PITRM1: variants seen among roughly 807,000 people sequenced by gnomAD.
PITRM1 encodes pitrilysin metallopeptidase 1.
PITRM1 carries 100 observed loss-of-function variants against 129.9 expected under a neutral mutation model. The observed-to-expected ratio is 0.77, with a 90% CI of 0.65 to 0.91. The LOEUF is 0.91. Among genes scored for constraint, PITRM1 ranks in the 40% least tolerant of loss-of-function variants. The pLI, the probability that PITRM1 is intolerant of heterozygous loss-of-function variation, is 0.00. For synonymous variants in PITRM1, 591 were observed against 508.8 expected, an observed-to-expected ratio of 1.16 and a Z score of -2.17; for missense variants, 1,471 against 1,318.3, an observed-to-expected ratio of 1.12 and a Z score of -1.79.
intron 7 of PITRM1, 184 bp downstream of exon 7, chr10:3,163,541 T>C (rs1842621072): frequency 1.9e-6 from 1 of 514,756 alleles, no homozygotes; most frequent in East Asian, 3.6e-5. Context: ...CTGAGGGCTA[T>C]CATTGTAAAT....
intron 14 of PITRM1, among the ~76,000 whole-genome samples, chr10:3,155,120 C>T (rs543790266): frequency 5.3e-5 from 8 of 152,296 alleles, no homozygotes; most frequent in Non-Finnish European, 1.0e-4. Flanking sequence ...CCCCCACACA[C>T]GCTGTCCTCC....
In PITRM1 at chr10:3,147,615, G is replaced by A. The variant is rs79257157; in HGVS notation, c.2192C>T (p.Thr731Met). ...YASIRAGRTL[T>M]PAGDLQETFS... ...GGTCTCCTGCAGGTCCCCTGCGGGC[G>A]TGAGGGTCCGGCCTGCCCTGATGGA... is the stretch of plus-strand genomic sequence containing the variant. Residue 731 changes from threonine (T) to methionine (M), a missense_variant, in exon 19 of 27, where the codon ACG becomes ATG. Transcript: ENST00000224949. 6.3e-4 allele frequency: 1,015 copies of A among 1,614,040 alleles called. 9 individuals are homozygous for A. In the African/African-American group the frequency reaches 0.011, roughly 18 times the overall value.
chr10:3,158,708 C>T (rs1842177025), intron 10 of PITRM1, among the ~76,000 whole-genome samples: 1 of 152,224 alleles, frequency 6.6e-6, no homozygotes, highest in African/African-American at 2.4e-5. Flanking sequence ...GGATCTCATC[C>T]AGAGTTCCCT....
intron 7 of PITRM1, chr10:3,163,032 T>A (rs541631679): frequency 6.6e-6 from 1 of 152,244 alleles, no homozygotes; most frequent in African/African-American, 2.4e-5. Flanking sequence ...TACGGGCAAA[T>A]GATCATGACG....
At chr10:3,139,634 C>T (rs1021968959) in intron 24 of PITRM1, among the ~76,000 whole-genome samples, 5 of 152,316 alleles carry the variant, frequency 3.3e-5, no homozygotes, top group Middle Eastern at 3.4e-3. Context: ...TGGCTACCTA[C>T]GTATCTACCT....
At chr10:3,162,700 A>C (rs1301328769) in intron 7 of PITRM1, among the ~76,000 whole-genome samples, 1 of 152,236 alleles carries the variant, frequency 6.6e-6, no homozygotes, top group Non-Finnish European at 1.5e-5. Flanking sequence ...TCTAAGTTCC[A>C]GTGCTCAGGA....
intron 14 of PITRM1, among the ~76,000 whole-genome samples, chr10:3,152,611 G>T (rs1482019300): frequency 6.6e-6 from 1 of 152,224 alleles, no homozygotes; most frequent in East Asian, 1.9e-4. Flanking sequence ...AGCATGTGGA[G>T]CCCAGGCTCC....
rs1035513636 is a variant in PITRM1, at chr10:3,145,433, A to T, written c.2457+163T>A. 1.1e-5 allele frequency: 7 copies of T among 642,846 alleles called. No homozygotes were observed. The African/African-American group carries it at 1.3e-4, about 12-fold the overall frequency. 39.8% of individuals were successfully genotyped at this position (642,846 alleles called of 1,614,324 possible). On this transcript the variant is annotated intron_variant, in intron 21 of 26. Transcript: ENST00000224949. ...CACTTAACTGGCCCAACACTGCACA[A>T]GATACTTAATCCTCCTGAACCTCAG... is the stretch of plus-strand genomic sequence containing the variant.
At chr10:3,171,146 T>TAAAAAAAA (rs1588736135) in intron 1 of PITRM1, among the ~76,000 whole-genome samples, 574 of 36,258 alleles carry the variant, frequency 0.016, 216 homozygotes, top group Middle Eastern at 0.034. Flanking sequence ...AATCGTTCAA[T>TAAAAAAAA]TAAAAAAAAA....
intron 7 of PITRM1, among the ~76,000 whole-genome samples, chr10:3,161,386 A>G (rs1172015792): frequency 6.6e-6 from 1 of 152,238 alleles, no homozygotes; most frequent in African/African-American, 2.4e-5. Flanking sequence ...CCAGAGGAAA[A>G]AGGTTACAAT....
At chr10:3,138,757 A>G (rs1366221061) in intron 25 of PITRM1, 147 bp downstream of exon 25, 3 of 832,530 alleles carry the variant, frequency 3.6e-6, no homozygotes, top group Non-Finnish European at 4.3e-6. Flanking sequence ...AAGCGTGTTT[A>G]GGGTGTCAGA....
At chr10:3,153,818 TCA>T (rs951869305) in intron 14 of PITRM1, among the ~76,000 whole-genome samples, 26 of 152,350 alleles carry the variant, frequency 1.7e-4, no homozygotes, top group Middle Eastern at 3.4e-3. Context: ...TGACAATTTC[TCA>T]CAGAATCCCA....
At position 3,138,954 on chromosome 10, in the gene PITRM1, T is replaced by C; in HGVS notation, c.2867A>G (p.Lys956Arg). The C allele has an allele frequency of 6.2e-7, 1 of 1,613,988 alleles. No individual in the cohort carries two copies. Among genetic ancestry groups the C allele is most frequent in the Non-Finnish European group, 8.5e-7 (1 of 1,179,866 alleles). Residue 956 changes from lysine to arginine, a missense_variant, in exon 25 of 27, where the codon AAA (lysine) becomes AGA (arginine). Coordinates refer to ENST00000224949, the MANE Select transcript of PITRM1 (RefSeq NM_014889.4). ...ATCTACGGTTGAGAAGACAGAAAGT[T>C]TGGCTTCGTCGATGTCTTGCTGTGT... ...KFTQQDIDEA[K>R]LSVFSTVDAP...
intron 23 of PITRM1, 32 bp from the exon 24 acceptor site, chr10:3,140,844 G>T (rs369945025): frequency 2.0e-6 from 3 of 1,528,668 alleles, no homozygotes; most frequent in African/African-American, 1.4e-5. Flanking sequence ...AGTTAATACC[G>T]TGGCTGATAA....
chr10:3,166,504 G>T, intron 3 of PITRM1, 124 bp from the exon 4 acceptor site: 1 of 543,468 alleles, frequency 1.8e-6, no homozygotes. Context: ...CTCCAGCACA[G>T]GGTTTTCCAA....
At chr10:3,142,313 T>G (rs1420574423) in intron 23 of PITRM1, among the ~76,000 whole-genome samples, 4 of 152,200 alleles carry the variant, frequency 2.6e-5, no homozygotes, top group Non-Finnish European at 5.9e-5. Context: ...TCCCCATCTG[T>G]GACCCTCTGT....
intron 6 of PITRM1, 115 bp downstream of exon 6, chr10:3,165,123 G>T: frequency 1.2e-6 from 1 of 812,850 alleles, no homozygotes; most frequent in Non-Finnish European, 1.9e-6. Flanking sequence ...GCTAATTCAA[G>T]AATGTATCAC....
intron 1 of PITRM1, chr10:3,172,254 A>T (rs1281303165): frequency 2.2e-6 from 1 of 460,210 alleles, no homozygotes; most frequent in South Asian, 1.5e-5. Flanking sequence ...CCATAAATTG[A>T]GTCATTAAAA....
chr10:3,138,321 C>T lies in PITRM1; in HGVS notation c.2934G>A (p.Leu978=). 3.1e-6 allele frequency: 5 copies of T among 1,613,216 alleles called. No individual in the cohort carries two copies. The highest frequency in any genetic ancestry group is 4.2e-6 in the Non-Finnish European group (5 of 1,179,232). ...APSDKGMDHF[L]YGLSDEMKQA... is the part of the protein sequence containing the mutation. ...GCTTCATCTCATCCGAGAGGCCGTA[C>T]AAGAAGTGGTCCATTCCTAGAAGAC... Residue 978 remains leucine (L), a synonymous_variant, in exon 26 of 27, where the codon TTG becomes TTA. Coordinates refer to ENST00000224949, the MANE Select transcript of PITRM1 (RefSeq NM_014889.4).
Sources: allele counts gnomAD v4.1 joint callset (sites outside exome capture counted in the v4.1 genomes callset), GRCh38; gene constraint gnomAD v4.1.1; transcripts MANE v1.5; gene names NCBI Gene and HGNC (gene_info 2026-07-23, HGNC 2026-07-21).